Variants in OPCML observed in about 807,000 individuals in gnomAD.
OPCML encodes opioid binding protein/cell adhesion molecule like.
OPCML carries 13 observed loss-of-function variants against 37.8 expected under a neutral mutation model. The ratio of observed to expected loss-of-function variants is 0.34; its 90% CI spans 0.22 to 0.55. The LOEUF (loss-of-function observed/expected upper bound fraction) is 0.55, where lower values mean the gene tolerates loss of function less well. Among genes scored for constraint, OPCML ranks in the 20% least tolerant of loss-of-function variants. The pLI, the probability that OPCML is intolerant of heterozygous loss-of-function variation, is 0.91. For synonymous variants in OPCML, 176 were observed against 168.8 expected, an observed-to-expected ratio of 1.04 and a Z score of -0.33; for missense variants, 341 against 435.6, an observed-to-expected ratio of 0.78 and a Z score of 1.93.
chr11:133,112,498 A>G (rs1272355692), intron 1 of OPCML, among the ~76,000 whole-genome samples: 1 of 152,210 alleles, frequency 6.6e-6, no homozygotes, highest in Admixed American at 6.5e-5. Context: ...TTTTTCCAAA[A>G]TCATGACATC....
At chr11:133,481,439 TTAAAAAAATAAATAAA>T (rs1387037683) in intron 1 of OPCML, among the ~76,000 whole-genome samples, 4 of 102,012 alleles carry the variant, frequency 3.9e-5, no homozygotes, top group Non-Finnish European at 8.4e-5. Context: ...TTCTCCCCAG[TTAAAAAAATAAATAAA>T]TAAATAAATA....
At chr11:133,452,154 A>G (rs924163701) in intron 1 of OPCML, among the ~76,000 whole-genome samples, 2 of 151,738 alleles carry the variant, frequency 1.3e-5, no homozygotes, top group African/African-American at 2.4e-5. Flanking sequence ...AAAGGTAATC[A>G]ATGAAGACCA....
intron 4 of OPCML, among the ~76,000 whole-genome samples, chr11:132,447,657 G>A (rs138701654): frequency 0.013 from 1,916 of 152,244 alleles, 15 homozygotes; most frequent in Non-Finnish European, 0.019. Context: ...AAGTACACTG[G>A]TCTGGATCAT....
intron 4 of OPCML, among the ~76,000 whole-genome samples, chr11:132,509,722 T>C (rs1251895581): frequency 1.3e-5 from 2 of 152,204 alleles, no homozygotes; most frequent in Non-Finnish European, 2.9e-5. Context: ...TTGAGGACTT[T>C]CACCTAGATT....
intron 3 of OPCML, among the ~76,000 whole-genome samples, chr11:132,649,261 G>A (rs1941310965): frequency 6.6e-6 from 1 of 152,148 alleles, no homozygotes; most frequent in South Asian, 2.1e-4. Flanking sequence ...GATACAAGGA[G>A]AAATCTGTTT....
At chr11:132,934,183 C>T (rs528370591) in intron 2 of OPCML, among the ~76,000 whole-genome samples, 1 of 152,160 alleles carries the variant, frequency 6.6e-6, no homozygotes, top group Non-Finnish European at 1.5e-5. Context: ...AGATGGTAAG[C>T]ATTGGAAAGT....
intron 1 of OPCML, among the ~76,000 whole-genome samples, chr11:133,478,686 C>T (rs1249288664): frequency 6.6e-6 from 1 of 152,196 alleles, no homozygotes; most frequent in Non-Finnish European, 1.5e-5. Context: ...CCAACCTAAA[C>T]TATAGACAAA....
chr11:132,597,336 G>A (rs1177618295), intron 3 of OPCML, among the ~76,000 whole-genome samples: 1 of 152,156 alleles, frequency 6.6e-6, no homozygotes, highest in East Asian at 1.9e-4. Context: ...AATGAAAGAG[G>A]ATAACACAGA....
chr11:133,168,199 C>A (rs1229939274), intron 1 of OPCML, among the ~76,000 whole-genome samples: 1 of 152,156 alleles, frequency 6.6e-6, no homozygotes, highest in East Asian at 1.9e-4. Context: ...CAGTGAAATG[C>A]CTCCCCGAAT....
chr11:132,984,661 A>G (rs1911254), intron 1 of OPCML, among the ~76,000 whole-genome samples: 10,553 of 152,122 alleles, frequency 0.069, 596 homozygotes, highest in East Asian at 0.23. Flanking sequence ...CCAACCTCAC[A>G]CCAGCATCTT....
At chr11:132,831,355 TTCAG>T (rs1047468363) in intron 2 of OPCML, among the ~76,000 whole-genome samples, 2 of 152,068 alleles carry the variant, frequency 1.3e-5, no homozygotes, top group African/African-American at 4.8e-5. Flanking sequence ...TAAAATGATT[TTCAG>T]TCAAAGGGGA....
chr11:133,199,591 A>G (rs1483264761), intron 1 of OPCML, among the ~76,000 whole-genome samples: 2 of 152,278 alleles, frequency 1.3e-5, no homozygotes, highest in Non-Finnish European at 2.9e-5. Context: ...GTTGATGTTA[A>G]GAAGTCTTGG....
intron 2 of OPCML, among the ~76,000 whole-genome samples, chr11:132,748,304 A>C (rs1945708567): frequency 6.6e-6 from 1 of 152,072 alleles, no homozygotes; most frequent in South Asian, 2.1e-4. Context: ...GGTTCACTGC[A>C]TCTTCCTCTC....
intron 4 of OPCML, among the ~76,000 whole-genome samples, chr11:132,503,147 T>C (rs750218667): frequency 6.6e-6 from 1 of 152,174 alleles, no homozygotes; most frequent in South Asian, 2.1e-4. Flanking sequence ...AACTGGTTGA[T>C]TACAAAGGCA....
chr11:132,922,227 G>A (rs969090348), intron 2 of OPCML, among the ~76,000 whole-genome samples: 3 of 152,096 alleles, frequency 2.0e-5, no homozygotes, highest in Non-Finnish European at 2.9e-5. Context: ...ATTATTTGGT[G>A]TTAAGAGCAT....
intron 3 of OPCML, among the ~76,000 whole-genome samples, chr11:132,573,176 G>A (rs1156353338): frequency 2.0e-5 from 3 of 151,082 alleles, no homozygotes; most frequent in African/African-American, 7.3e-5. Flanking sequence ...AGATCACATA[G>A]TCTCCAAACA....
At chr11:132,681,394 G>A (rs1301982169) in intron 2 of OPCML, among the ~76,000 whole-genome samples, 2 of 152,132 alleles carry the variant, frequency 1.3e-5, no homozygotes, top group African/African-American at 4.8e-5. Context: ...GCTGGATGTC[G>A]GAGACTGCAG....
At chr11:133,004,620 G>T in intron 1 of OPCML, 1 of 985,456 alleles carries the variant, frequency 1.0e-6, no homozygotes, top group Middle Eastern at 5.2e-4. Flanking sequence ...TGATCCAGTT[G>T]CTGCCCCCAC....
intron 1 of OPCML, among the ~76,000 whole-genome samples, chr11:133,092,768 T>C: frequency 6.6e-6 from 1 of 152,100 alleles, no homozygotes; most frequent in Non-Finnish European, 1.5e-5. Context: ...TTAATTATCT[T>C]GTTCTTTCTC....
Sources: allele counts gnomAD v4.1 joint callset (sites outside exome capture counted in the v4.1 genomes callset), GRCh38; gene constraint gnomAD v4.1.1; transcripts MANE v1.5; gene names NCBI Gene and HGNC (gene_info 2026-07-23, HGNC 2026-07-21).